The following CCDC179 variants were observed in gnomAD, a reference collection of about 807,000 sequenced individuals.
The protein encoded by CCDC179 is coiled-coil domain-containing protein 179.
In CCDC179, 17 loss-of-function variants were observed where a neutral mutation model predicts 12.0. The observed-to-expected ratio is 1.42, with a 90% confidence interval of 0.97 to 2.13. CCDC179 has a LOEUF of 2.13. Ranked by LOEUF, CCDC179 falls within the 30% of genes most tolerant of loss-of-function variation. The pLI is 0.00. For missense variants in CCDC179, 83 were observed against 78.6 expected, an observed-to-expected ratio of 1.06 and a Z score of -0.21; for synonymous variants, 27 against 26.4, an observed-to-expected ratio of 1.02 and a Z score of -0.07.
intron 3 of CCDC179, among the ~76,000 whole-genome samples, chr11:22,853,194 A>G (rs1231042277): frequency 1.3e-5 from 2 of 152,204 alleles, no homozygotes; most frequent in Non-Finnish European, 2.9e-5. Context: ...CTGTTACCCA[A>G]TACATCATAT....
intron 3 of CCDC179, among the ~76,000 whole-genome samples, chr11:22,855,054 G>A (rs963483941): frequency 2.0e-5 from 3 of 151,644 alleles, no homozygotes; most frequent in Non-Finnish European, 1.5e-5. Context: ...GTCAAAATAT[G>A]TGAGGCAAAA....
At position 22,858,071 on chromosome 11, in the gene CCDC179, C is replaced by A. The variant is rs1362068813; in HGVS notation, c.91-45G>T. The stretch of plus-strand genomic sequence containing the variant: ...AAAGAAAAATCATACTTTTTTGTAA[C>A]ATATAAAGGTAACATTCTGATTACA... On this transcript the variant is annotated intron_variant, in intron 2 of 3. Transcript: ENST00000532798. 4 of 1,223,078 alleles carry A rather than the reference C, an allele frequency of 3.3e-6. No homozygotes were observed. The African/African-American group carries it at 4.7e-5, about 14-fold the overall frequency. The allele number at this position is 1,223,078 out of a possible 1,614,324, so 75.8% of individuals were successfully genotyped here.
chr11:22,857,607 A>C (rs1316616655), intron 3 of CCDC179, among the ~76,000 whole-genome samples: 5 of 151,742 alleles, frequency 3.3e-5, no homozygotes, highest in Admixed American at 3.3e-4. Flanking sequence ...TTTGGCAATA[A>C]ATTTTCAGAT....
rs182090929 is a variant in CCDC179 at position 22,847,532 on chromosome 11, T to C, written c.196-11A>G. On this transcript the variant is annotated splice_polypyrimidine_tract_variant and intron_variant, in intron 3 of 3. Transcript: ENST00000532798. ...TTATCAAGATGACCACTAGACAAGA[T>C]TAAAATACACAAAGAATAAGAAATT... 2.2e-6 allele frequency: 3 copies of C among 1,359,320 alleles called. No individual in the cohort carries two copies. Among genetic ancestry groups the C allele is most frequent in the Admixed American group, 4.7e-5 (2 of 42,670 alleles). The allele number at this position is 1,359,320 out of a possible 1,614,324, so 84.2% of individuals were successfully genotyped here.
At chr11:22,857,853 C>A in intron 3 of CCDC179, 69 bp downstream of exon 3, 1 of 750,274 alleles carries the variant, frequency 1.3e-6, no homozygotes. Context: ...GTGAATATTA[C>A]ATGAATTAAA....
intron 3 of CCDC179, among the ~76,000 whole-genome samples, chr11:22,850,976 A>ATGTTTTTTTTTTTTTTTTTTTTTT (rs1554920538): frequency 1.6e-4 from 1 of 6,126 alleles, no homozygotes; most frequent in Non-Finnish European, 4.4e-4. Flanking sequence ...ATATATATAT[A>ATGTTTTTTTTTTTTTTTTTTTTTT]TTTTTTTTTT....
chr11:22,858,453 A>G (rs961452839), intron 2 of CCDC179, among the ~76,000 whole-genome samples: 7 of 152,054 alleles, frequency 4.6e-5, no homozygotes, highest in African/African-American at 1.7e-4. Flanking sequence ...TGTGGCGTCT[A>G]CAAGTAGCAG....
At chr11:22,853,494 A>G (rs1858460400) in intron 3 of CCDC179, among the ~76,000 whole-genome samples, 1 of 152,124 alleles carries the variant, frequency 6.6e-6, no homozygotes, top group Non-Finnish European at 1.5e-5. Flanking sequence ...TGATGGGCTC[A>G]TTAATACACT....
chr11:22,859,856 C>T (rs540276540), intron 1 of CCDC179, among the ~76,000 whole-genome samples: 1 of 152,174 alleles, frequency 6.6e-6, no homozygotes, highest in Non-Finnish European at 1.5e-5. Context: ...ATTGAGCAAT[C>T]TAGTCTTCAA....
At chr11:22,856,109 A>T (rs1424710801) in intron 3 of CCDC179, among the ~76,000 whole-genome samples, 1 of 151,548 alleles carries the variant, frequency 6.6e-6, no homozygotes, top group Non-Finnish European at 1.5e-5. Flanking sequence ...AGAAACTACT[A>T]ATTCTTTACA....
At chr11:22,853,661 A>G (rs1423093796) in intron 3 of CCDC179, among the ~76,000 whole-genome samples, 1 of 145,256 alleles carries the variant, frequency 6.9e-6, no homozygotes, top group Non-Finnish European at 1.5e-5. Flanking sequence ...GGAAAAAAAA[A>G]GAAGGAAGGA....
At chr11:22,855,091 A>G (rs1858502854) in intron 3 of CCDC179, among the ~76,000 whole-genome samples, 2 of 151,730 alleles carry the variant, frequency 1.3e-5, no homozygotes, top group Non-Finnish European at 3.0e-5. Context: ...GAAGAAATAG[A>G]CAAATCTGCT....
intron 2 of CCDC179, among the ~76,000 whole-genome samples, chr11:22,858,320 C>T (rs1365831252): frequency 5.3e-5 from 8 of 151,880 alleles, no homozygotes; most frequent in Non-Finnish European, 1.0e-4. Context: ...AGTGTGCTTA[C>T]TTTTGCTTTA....
At chr11:22,847,782 C>T (rs2134822103) in intron 3 of CCDC179, among the ~76,000 whole-genome samples, 1 of 152,170 alleles carries the variant, frequency 6.6e-6, no homozygotes, top group South Asian at 2.1e-4. Flanking sequence ...AAACAATTCT[C>T]TATAAGTCAT....
chr11:22,852,279 A>G (rs1483604894), intron 3 of CCDC179, among the ~76,000 whole-genome samples: 1 of 152,176 alleles, frequency 6.6e-6, no homozygotes, highest in Non-Finnish European at 1.5e-5. Context: ...CAGGGCATGG[A>G]CAAAGCTAAC....
At chr11:22,850,973 TATA>T (rs1482436054) in intron 3 of CCDC179, among the ~76,000 whole-genome samples, 30 of 16,020 alleles carry the variant, frequency 1.9e-3, no homozygotes, top group South Asian at 5.2e-3. Context: ...TATATATATA[TATA>T]TTTTTTTTTT....
At position 22,847,425 on chromosome 11, in the gene CCDC179, A is replaced by T. The variant is rs1858248428; in HGVS notation, c.*85T>A. 1.3e-6 allele frequency: 1 copy of T among 790,972 alleles called. No homozygotes were observed. Among genetic ancestry groups the T allele is most frequent in the Non-Finnish European group, 1.9e-6 (1 of 537,582 alleles). 49.0% of individuals were successfully genotyped at this position (790,972 alleles called of 1,614,324 possible). A position where few individuals can be genotyped will look rare whatever the true frequency, so the allele number is the denominator to read the frequency against. On this transcript the variant is annotated 3_prime_UTR_variant, in exon 4 of 4. Coordinates refer to ENST00000532798, the MANE Select transcript of CCDC179 (RefSeq NM_001195637.2). ...GAGTATTGCATTTATTTTGTGGATG[A>T]TCAATTCATGATATGTCACTTGATG...
chr11:22,854,825 C>T (rs941722451), intron 3 of CCDC179, among the ~76,000 whole-genome samples: 2 of 151,604 alleles, frequency 1.3e-5, no homozygotes, highest in Non-Finnish European at 3.0e-5. Flanking sequence ...ATGTTGTTTA[C>T]AAGAAACTCA....
intron 3 of CCDC179, among the ~76,000 whole-genome samples, chr11:22,850,533 A>T (rs1220782770): frequency 6.6e-6 from 1 of 152,116 alleles, no homozygotes; most frequent in Non-Finnish European, 1.5e-5. Flanking sequence ...GCAATTGCAA[A>T]CTGCACTTCT....
Sources: gnomAD v4.1 joint callset for allele counts (sites outside exome capture counted in the v4.1 genomes callset) on GRCh38, gnomAD v4.1.1 for gene constraint, MANE v1.5 for transcripts, NCBI Gene and HGNC (gene_info 2026-07-23, HGNC 2026-07-21) for gene names.